The following WSCD2 variants were observed in gnomAD, a reference collection of about 807,000 sequenced individuals.
WSCD2 encodes WSC domain sialate O sulfotransferase 2, also known as sialate:O-sulfotransferase 2.
A neutral mutation model predicts 55.7 loss-of-function variants in WSCD2; 28 were observed. The ratio of observed to expected loss-of-function variants is 0.50; its 90% CI spans 0.37 to 0.69. The LOEUF (loss-of-function observed/expected upper bound fraction) is 0.69, where lower values mean the gene tolerates loss of function less well. Among genes scored for constraint, WSCD2 ranks in the 30% least tolerant of loss-of-function variants. The pLI is 0.00. For missense variants in WSCD2, 616 were observed against 762.1 expected, an observed-to-expected ratio of 0.81 and a Z score of 2.26; for synonymous variants, 301 against 301.9, an observed-to-expected ratio of 1.00 and a Z score of 0.03.
chr12:108,165,511 A>G (rs1392946706), intron 1 of WSCD2, among the ~76,000 whole-genome samples: 1 of 152,174 alleles, frequency 6.6e-6, no homozygotes, highest in Admixed American at 6.5e-5. Flanking sequence ...GATTATAGGC[A>G]TGAGCCACTG....
chr12:108,161,559 C>T (rs192441574), intron 1 of WSCD2, among the ~76,000 whole-genome samples: 13 of 152,312 alleles, frequency 8.5e-5, no homozygotes, highest in Admixed American at 7.8e-4. Flanking sequence ...AACAGATTCT[C>T]TCACAGCCCC....
chr12:108,135,086 G>A (rs1166802752), intron 1 of WSCD2, among the ~76,000 whole-genome samples: 1 of 152,216 alleles, frequency 6.6e-6, no homozygotes, highest in African/African-American at 2.4e-5. Context: ...AGTGGGAATT[G>A]TCTATTTGAA....
intron 4 of WSCD2, 110 bp from the exon 5 acceptor site, chr12:108,224,629 G>A (rs1455930196): frequency 2.1e-6 from 3 of 1,444,700 alleles, no homozygotes; most frequent in Non-Finnish European, 2.8e-6. Context: ...CTTGCTCTGT[G>A]ACCTTGGGCA....
chr12:108,214,916 A>G (rs529796031), intron 4 of WSCD2, among the ~76,000 whole-genome samples: 175 of 152,330 alleles, frequency 1.1e-3, no homozygotes, highest in Middle Eastern at 0.01. Flanking sequence ...CAAAGTTAGG[A>G]GAATTTTGTG....
chr12:108,193,190 A>C (rs563957501), intron 1 of WSCD2, among the ~76,000 whole-genome samples: 1 of 152,338 alleles, frequency 6.6e-6, no homozygotes, highest in South Asian at 2.1e-4. Flanking sequence ...TGTGTAGAAG[A>C]ATGTCTGGCA....
In WSCD2 at chr12:108,248,244, G is replaced by A. The variant is rs367689597; in HGVS notation, c.1599G>A (p.Ala533=). Residue 533 remains alanine (A), a synonymous_variant, in exon 9 of 9, where the codon GCG becomes GCA. Transcript: ENST00000547525. This position sits in a 1 kb window ranked among gnomAD's most constrained non-coding sequence, Gnocchi z 4.3. ...LRKLEYDPYT[A]DMQKTISAYI... is the part of the protein sequence containing the mutation. ...AGCTCGAGTATGACCCCTATACTGC[G>A]GACATGCAGAAGACCATCTCTGCCT... 1.1e-4 allele frequency: 178 copies of A among 1,614,198 alleles called. 1 individual carries two copies. Among genetic ancestry groups the A allele is most frequent in the African/African-American group, 6.9e-4 (52 of 75,068 alleles).
chr12:108,174,412 A>G (rs536976795), intron 1 of WSCD2, among the ~76,000 whole-genome samples: 4 of 152,246 alleles, frequency 2.6e-5, no homozygotes, highest in African/African-American at 9.6e-5. Context: ...CTTAGAGACA[A>G]TCATGGATTT....
intron 1 of WSCD2, among the ~76,000 whole-genome samples, chr12:108,179,168 G>T (rs2136993458): frequency 6.6e-6 from 1 of 151,822 alleles, no homozygotes; most frequent in African/African-American, 2.4e-5. Flanking sequence ...TCTAGTCCCT[G>T]GACCAGCAGC....
chr12:108,187,214 G>T (rs2137019557), intron 1 of WSCD2, among the ~76,000 whole-genome samples: 1 of 152,300 alleles, frequency 6.6e-6, no homozygotes, highest in African/African-American at 2.4e-5. Context: ...ACAGCCCCTA[G>T]GGTCTGCCTC....
At chr12:108,209,477 G>GGTGT (rs1885842627) in intron 3 of WSCD2, among the ~76,000 whole-genome samples, 1 of 151,936 alleles carries the variant, frequency 6.6e-6, no homozygotes, top group Non-Finnish European at 1.5e-5. Context: ...CAGGATCTGG[G>GGTGT]GTGTGTGTGT....
intron 1 of WSCD2, among the ~76,000 whole-genome samples, chr12:108,144,610 T>C (rs988313257): frequency 6.6e-6 from 1 of 152,138 alleles, no homozygotes; most frequent in African/African-American, 2.4e-5. Context: ...AGTTTTTTCA[T>C]CCGTAGCATG....
rs1444450391 is a variant in WSCD2 at position 108,129,544 on chromosome 12, A to C, written c.-934A>C. 6.6e-6 allele frequency: 1 copy of C among 151,588 alleles called. No homozygotes were observed. Among genetic ancestry groups the C allele is most frequent in the Non-Finnish European group, 1.5e-5 (1 of 67,794 alleles). The allele number at this position is 151,588 out of a possible 1,614,324, so 9.4% of individuals were successfully genotyped here. A position where few individuals can be genotyped will look rare whatever the true frequency, so the allele number is the denominator to read the frequency against. ...CCGCAGTGCCGCCCGCCCGAGCGCC[A>C]GGCTCACAGGAGCCCGGCTTTCACT... On this transcript the variant is annotated 5_prime_UTR_variant, in exon 1 of 9. Transcript: ENST00000547525.
intron 1 of WSCD2, among the ~76,000 whole-genome samples, chr12:108,187,888 C>G (rs1185708552): frequency 2.0e-5 from 3 of 152,160 alleles, no homozygotes; most frequent in Non-Finnish European, 4.4e-5. Flanking sequence ...TTCCACGTTT[C>G]CTCTCCGTGG....
At chr12:108,173,484 C>A (rs1479396701) in intron 1 of WSCD2, among the ~76,000 whole-genome samples, 3 of 152,148 alleles carry the variant, frequency 2.0e-5, no homozygotes, top group Admixed American at 6.5e-5. Flanking sequence ...GAGGCCCCCC[C>A]ACCCTCCCCT....
intron 8 of WSCD2, among the ~76,000 whole-genome samples, chr12:108,244,921 T>A (rs1465828448): frequency 1.3e-5 from 2 of 152,138 alleles, no homozygotes; most frequent in Non-Finnish European, 2.9e-5. Flanking sequence ...TAAGTAAATA[T>A]ATAAAATCAA....
chr12:108,166,787 T>G (rs554283182), intron 1 of WSCD2, among the ~76,000 whole-genome samples: 14 of 146,242 alleles, frequency 9.6e-5, no homozygotes, highest in South Asian at 4.3e-4. Context: ...CTTTCTTTCT[T>G]TCTGTCTTTC....
chr12:108,137,761 G>C (rs1282377711), intron 1 of WSCD2, among the ~76,000 whole-genome samples: 1 of 152,228 alleles, frequency 6.6e-6, no homozygotes, highest in Non-Finnish European at 1.5e-5. Flanking sequence ...TACAGTATTT[G>C]ATCCCATGGC....
intron 2 of WSCD2, among the ~76,000 whole-genome samples, chr12:108,197,437 G>T (rs973420905): frequency 6.6e-6 from 1 of 152,162 alleles, no homozygotes; most frequent in Non-Finnish European, 1.5e-5. Flanking sequence ...GTGGTAGAAT[G>T]GATCAGGGGA....
chr12:108,181,415 G>A (rs773207747), intron 1 of WSCD2, among the ~76,000 whole-genome samples: 5 of 152,092 alleles, frequency 3.3e-5, no homozygotes, highest in Admixed American at 6.5e-5. Flanking sequence ...ATACAAGACC[G>A]CCCCAGTTCT....
Sources: gnomAD v4.1 joint callset for allele counts (sites outside exome capture counted in the v4.1 genomes callset) on GRCh38, gnomAD v4.1.1 for gene constraint, Gnocchi (gnomAD v3.1) non-coding constraint, MANE v1.5 for transcripts, NCBI Gene and HGNC (gene_info 2026-07-23, HGNC 2026-07-21) for gene names.